LSAMP: variants seen among roughly 807,000 people sequenced by gnomAD.
LSAMP encodes limbic system associated membrane protein, also known as limbic system-associated membrane protein.
A neutral mutation model predicts 38.6 loss-of-function variants in LSAMP; 7 were observed. That is an observed-to-expected ratio of 0.18 (90% CI 0.10 to 0.34). The LOEUF is 0.34. LSAMP is among the 10% of genes least tolerant of loss of function. The pLI, the probability that LSAMP is intolerant of heterozygous loss-of-function variation, is 1.00. For missense variants in LSAMP, 313 were observed against 420.0 expected (o/e 0.75, Z 2.23); for synonymous variants, 154 against 166.8 (o/e 0.92, Z 0.59).
intron 1 of LSAMP, among the ~76,000 whole-genome samples, chr3:116,310,495 A>G (rs2047542863): frequency 6.6e-6 from 1 of 152,110 alleles, no homozygotes; most frequent in Non-Finnish European, 1.5e-5. Flanking sequence ...ACCTTTACCT[A>G]CTCACCAGCT....
intron 2 of LSAMP, 110 bp from the exon 3 acceptor site, chr3:116,019,750 T>C: frequency 1.6e-6 from 2 of 1,238,886 alleles, no homozygotes; most frequent in Non-Finnish European, 2.3e-6. Context: ...TTTGAATTTC[T>C]GTGTTAAGAA....
chr3:115,826,415 CTT>C (rs939778805), intron 6 of LSAMP, among the ~76,000 whole-genome samples: 2 of 152,078 alleles, frequency 1.3e-5, no homozygotes, highest in African/African-American at 4.8e-5. Flanking sequence ...CTGTTTCTGT[CTT>C]TTAAACTTCA....
chr3:115,925,744 C>T (rs371114837), intron 3 of LSAMP, among the ~76,000 whole-genome samples: 1 of 152,084 alleles, frequency 6.6e-6, no homozygotes, highest in African/African-American at 2.4e-5. Flanking sequence ...TGGAATGCCA[C>T]TGATTGAGTG....
intron 1 of LSAMP, among the ~76,000 whole-genome samples, chr3:116,190,222 C>T (rs190100688): frequency 5.3e-5 from 8 of 152,148 alleles, no homozygotes; most frequent in East Asian, 3.9e-4. Flanking sequence ...GCACTTGTCA[C>T]GCAAGAAACT....
rs375550308 is a variant in LSAMP, at chr3:116,072,678, T to C, written c.388+13646A>G. 1.2e-4 allele frequency among the ~76,000 whole-genome samples: 19 copies of C among 152,242 alleles called. No individual in the cohort carries two copies. The South Asian group carries it at 3.7e-3, about 30-fold the overall frequency. Reference sequence around the variant, plus strand: ...TATTGAGCTTTTTTTTCATGTTTGTTGACTGCATAAATGTTTTCTTTTGAG... The same window carrying C: ...TATTGAGCTTTTTTTTCATGTTTGTCGACTGCATAAATGTTTTCTTTTGAG... On this transcript the variant is annotated intron_variant, in intron 2 of 6. Coordinates refer to ENST00000490035, the MANE Select transcript of LSAMP (RefSeq NM_002338.5).
chr3:116,208,885 C>T (rs2046110141), intron 1 of LSAMP, among the ~76,000 whole-genome samples: 1 of 152,208 alleles, frequency 6.6e-6, no homozygotes. Flanking sequence ...GAGGTGGAGC[C>T]TACAGAGGCA....
intron 1 of LSAMP, among the ~76,000 whole-genome samples, chr3:116,421,759 T>C (rs898476367): frequency 6.6e-6 from 1 of 152,184 alleles, no homozygotes; most frequent in Non-Finnish European, 1.5e-5. Flanking sequence ...TGAATGGCTA[T>C]ACCCAAAAGA....
intron 6 of LSAMP, chr3:115,838,164 C>T (rs1934857198): frequency 6.6e-6 from 1 of 152,150 alleles, no homozygotes; most frequent in African/African-American, 2.4e-5. Flanking sequence ...GTTTCTGACA[C>T]AAAAATATAA....
chr3:116,074,574 C>T (rs1707689524), intron 2 of LSAMP, among the ~76,000 whole-genome samples: 1 of 152,148 alleles, frequency 6.6e-6, no homozygotes, highest in Non-Finnish European at 1.5e-5. Flanking sequence ...CTACATTACC[C>T]CAGGGAAAGT....
intron 1 of LSAMP, among the ~76,000 whole-genome samples, chr3:116,356,824 C>T (rs776514342): frequency 2.0e-5 from 3 of 152,042 alleles, no homozygotes; most frequent in Non-Finnish European, 4.4e-5. Context: ...GACGGAGTCT[C>T]GCTCTGTGGC....
rs149512281 is a variant in LSAMP, at chr3:116,401,818, T to C, written c.155+43059A>G. Among the ~76,000 whole-genome samples the C allele has an allele frequency of 2.4e-3, 365 of 152,324 alleles. 1 individual carries two copies. Among genetic ancestry groups the C allele is most frequent in the Middle Eastern group, 0.01 (3 of 294 alleles). Reference sequence around the variant, plus strand: ...TCAAATATATACATAAAGAGATATATACACATTTATTAAATTGCTTAAGTC... The same window carrying C: ...TCAAATATATACATAAAGAGATATACACACATTTATTAAATTGCTTAAGTC... On this transcript the variant is annotated intron_variant, in intron 1 of 6. Transcript: ENST00000490035.
At chr3:116,128,970 TC>T (rs1187595086) in intron 1 of LSAMP, among the ~76,000 whole-genome samples, 1 of 152,174 alleles carries the variant, frequency 6.6e-6, no homozygotes, top group Admixed American at 6.5e-5. Context: ...GGTTTTATTT[TC>T]AAAAATAAAT....
chr3:116,272,306 T>C (rs1406564277), intron 1 of LSAMP, among the ~76,000 whole-genome samples: 1 of 152,084 alleles, frequency 6.6e-6, no homozygotes, highest in East Asian at 1.9e-4. Context: ...AAGGCAAAAA[T>C]AACAATGGAC....
intron 3 of LSAMP, among the ~76,000 whole-genome samples, chr3:115,931,698 G>A (rs1003763794): frequency 2.6e-5 from 4 of 152,158 alleles, no homozygotes; most frequent in African/African-American, 9.7e-5. Context: ...ATTCTTTGGA[G>A]CACTTAGCTC....
At chr3:116,358,810 T>C (rs2107775732) in intron 1 of LSAMP, among the ~76,000 whole-genome samples, 1 of 152,314 alleles carries the variant, frequency 6.6e-6, no homozygotes, top group East Asian at 1.9e-4. Flanking sequence ...ATTTTTAAAA[T>C]GGTAATATGT....
chr3:115,879,655 T>C (rs903812704), intron 3 of LSAMP, among the ~76,000 whole-genome samples: 1 of 152,112 alleles, frequency 6.6e-6, no homozygotes, highest in East Asian at 1.9e-4. Context: ...CACAGTTGAG[T>C]GACAATTTTA....
At chr3:116,146,412 G>A (rs1371040437) in intron 1 of LSAMP, among the ~76,000 whole-genome samples, 2 of 151,916 alleles carry the variant, frequency 1.3e-5, no homozygotes, top group African/African-American at 4.8e-5. Flanking sequence ...ACTAAAGTAG[G>A]TGAGACATGG....
At chr3:116,178,883 C>T (rs1286476558) in intron 1 of LSAMP, among the ~76,000 whole-genome samples, 1 of 152,188 alleles carries the variant, frequency 6.6e-6, no homozygotes, top group African/African-American at 2.4e-5. Context: ...TATGATCTCA[C>T]TGTCTTTTCT....
chr3:116,264,960 A>C (rs1320742972), intron 1 of LSAMP, among the ~76,000 whole-genome samples: 1 of 152,170 alleles, frequency 6.6e-6, no homozygotes, highest in Non-Finnish European at 1.5e-5. Flanking sequence ...GGAGCTGAAC[A>C]TTCCAACCTT....
Sources: gnomAD v4.1 joint callset for allele counts (sites outside exome capture counted in the v4.1 genomes callset) on GRCh38, gnomAD v4.1.1 for gene constraint, MANE v1.5 for transcripts, NCBI Gene and HGNC (gene_info 2026-07-23, HGNC 2026-07-21) for gene names.